Variants in PISD observed in about 807,000 individuals in gnomAD.
PISD encodes phosphatidylserine decarboxylase proenzyme, mitochondrial.
In PISD, 31 loss-of-function variants were observed where a neutral mutation model predicts 43.5. That is an observed-to-expected ratio of 0.71 (90% CI 0.54 to 0.96). The LOEUF is 0.96. PISD is among the 40% of genes least tolerant of loss of function. The probability of loss-of-function intolerance (pLI) is 0.00; values close to 1 mark genes in which losing one functional copy is unlikely to be tolerated. For synonymous variants in PISD, 259 were observed against 228.7 expected (o/e 1.13, Z -1.20); for missense variants, 523 against 548.4 (o/e 0.95, Z 0.46).
At position 31,630,064 on chromosome 22, in the gene PISD, G is replaced by A. The variant is rs1025943279; in HGVS notation, c.322-8179C>T. On this transcript the variant is annotated intron_variant, in intron 3 of 7. Coordinates refer to ENST00000439502, the MANE Select transcript of PISD (RefSeq NM_001326411.2). The surrounding 1 kb of genome is among the most constrained non-coding windows in gnomAD (Gnocchi z 4.4). Reference sequence around the variant, plus strand: ...GCCACCATGCAGCGGCGTGCGTCTAGTGGGGCGACAACCCTGCCTTCCCTG... The same window carrying A: ...GCCACCATGCAGCGGCGTGCGTCTAATGGGGCGACAACCCTGCCTTCCCTG... The A allele has an allele frequency of 3.3e-5, 5 of 152,272 alleles. No homozygotes were observed. In the East Asian group the frequency reaches 5.8e-4, roughly 18 times the overall value. The allele number at this position is 152,272 out of a possible 1,614,324, so 9.4% of individuals were successfully genotyped here.
intron 3 of PISD, among the ~76,000 whole-genome samples, chr22:31,628,540 C>T (rs2073028546): frequency 1.3e-5 from 2 of 152,170 alleles, no homozygotes; most frequent in South Asian, 4.1e-4. Flanking sequence ...ACTTTAATGT[C>T]ACTACATGGC....
At position 31,621,429 on chromosome 22, in the gene PISD, T is replaced by C; in HGVS notation, c.602A>G (p.Lys201Arg). ...DGRILNFGQV[K>R]NCEVEQVKGV... ...CTTTACCTGCTCCACCTCACAGTTC[T>C]TCACCTGCCCAAAGTTGAGGATCCT... Residue 201 changes from lysine (K) to arginine (R), a missense_variant, in exon 5 of 8, where the codon AAG becomes AGG. Transcript: ENST00000439502. 1 of 1,614,148 alleles carries C rather than the reference T, an allele frequency of 6.2e-7. No individual in the cohort carries two copies. Among genetic ancestry groups the C allele is most frequent in the South Asian group, 1.1e-5 (1 of 91,082 alleles).
Position 31,648,290 on chromosome 22 carries a change from C to CAGG in PISD, c.146-17_146-15dup, listed in dbSNP as rs775666214. The CAGG allele has an allele frequency of 6.3e-7, 1 of 1,591,960 alleles. No homozygotes were observed. Among genetic ancestry groups the CAGG allele is most frequent in the South Asian group, 1.1e-5 (1 of 88,178 alleles). On this transcript the variant is annotated splice_polypyrimidine_tract_variant and intron_variant, in intron 2 of 7. Coordinates refer to ENST00000439502, the MANE Select transcript of PISD (RefSeq NM_001326411.2). ...TTTTTCTGGCATCTGTAATAAAAAA[C>CAGG]AGGACAATTTCAAGCCTGAGAGACA...
chr22:31,646,947 T>C (rs746571144), intron 3 of PISD, among the ~76,000 whole-genome samples: 4 of 151,956 alleles, frequency 2.6e-5, no homozygotes, highest in Non-Finnish European at 5.9e-5. Context: ...CACATGGACA[T>C]ACAGGGCAAG....
intron 3 of PISD, chr22:31,625,602 A>T: frequency 1.2e-6 from 1 of 808,638 alleles, no homozygotes; most frequent in Non-Finnish European, 2.0e-6. Flanking sequence ...TCTCCGACTC[A>T]GGGTGCTCAG....
In PISD at chr22:31,630,630, G is replaced by A; in HGVS notation, c.322-8745C>T. On this transcript the variant is annotated intron_variant, in intron 3 of 7. Transcript: ENST00000439502. This position sits in a 1 kb window ranked among gnomAD's most constrained non-coding sequence, Gnocchi z 4.4. ...ACGACTCGCTCAACCTTGTCCGCGG[G>A]GCTCCTCAGGCCGGGGCCGCGTCGT... The A allele has an allele frequency of 1.4e-6, 1 of 712,752 alleles. No homozygotes were observed. Among genetic ancestry groups the A allele is most frequent in the South Asian group, 6.3e-5 (1 of 15,872 alleles). The allele number at this position is 712,752 out of a possible 1,614,324, so 44.2% of individuals were successfully genotyped here.
At position 31,630,699 on chromosome 22, in the gene PISD, C is replaced by G. The variant is rs2073165242; in HGVS notation, c.322-8814G>C. The G allele has an allele frequency of 1.0e-6, 1 of 983,674 alleles. No homozygotes were observed. Among genetic ancestry groups the G allele is most frequent in the Non-Finnish European group, 1.2e-6 (1 of 828,404 alleles). 60.9% of individuals were successfully genotyped at this position (983,674 alleles called of 1,614,324 possible). ...CCTGCGACCGAAGGCCCTAGAAGGG[C>G]ACCCCCACCCGGCACTGGCCCTCTG... On this transcript the variant is annotated intron_variant, in intron 3 of 7. Coordinates refer to ENST00000439502, the MANE Select transcript of PISD (RefSeq NM_001326411.2). This position sits in a 1 kb window ranked among gnomAD's most constrained non-coding sequence, Gnocchi z 4.4.
At chr22:31,644,001 T>C (rs558003900) in intron 3 of PISD, among the ~76,000 whole-genome samples, 9 of 151,792 alleles carry the variant, frequency 5.9e-5, no homozygotes, top group South Asian at 2.1e-4. Flanking sequence ...TGAGCCGAGA[T>C]TGCGCCACTG....
In PISD at chr22:31,623,989, G is replaced by A. The variant is rs557604718; in HGVS notation, c.322-2104C>T. On this transcript the variant is annotated intron_variant, in intron 3 of 7. Coordinates refer to ENST00000439502, the MANE Select transcript of PISD (RefSeq NM_001326411.2). ...GCTGCCTCTCCATGGGGGTGATGGAGCCCAGCAAGCACTGGCTGTGCCCCC... is the reference window on the plus strand; with the variant it reads ...GCTGCCTCTCCATGGGGGTGATGGAACCCAGCAAGCACTGGCTGTGCCCCC... 410 of 722,132 alleles carry A rather than the reference G, an allele frequency of 5.7e-4. 1 individual carries two copies. The South Asian group carries it at 7.0e-3, about 12-fold the overall frequency. The allele number at this position is 722,132 out of a possible 1,614,324, so 44.7% of individuals were successfully genotyped here.
chr22:31,618,940 C>A lies in PISD; in HGVS notation c.*672G>T. The A allele has an allele frequency of 6.1e-6, 1 of 164,230 alleles. No individual in the cohort carries two copies. The highest frequency in any genetic ancestry group is 1.7e-4 in the South Asian group (1 of 6,038). The allele number at this position is 164,230 out of a possible 1,614,324, so 10.2% of individuals were successfully genotyped here. The stretch of plus-strand genomic sequence containing the variant: ...ATTGGTCTTGCCTGCTGCAGAGGAC[C>A]TGGCCAGCTCCAGAAGGGTCACTCA... On this transcript the variant is annotated 3_prime_UTR_variant, in exon 8 of 8. Transcript: ENST00000439502.
At chr22:31,656,603 C>T (rs1481907149) in intron 1 of PISD, among the ~76,000 whole-genome samples, 2 of 148,450 alleles carry the variant, frequency 1.3e-5, no homozygotes, top group African/African-American at 2.5e-5. Flanking sequence ...GAGCCGAGAT[C>T]GCACACTGCA....
At chr22:31,643,301 T>C (rs963846305) in intron 3 of PISD, among the ~76,000 whole-genome samples, 2 of 152,164 alleles carry the variant, frequency 1.3e-5, no homozygotes, top group Non-Finnish European at 2.9e-5. Flanking sequence ...TCTACAAGCA[T>C]GCCAAGACCA....
intron 3 of PISD, among the ~76,000 whole-genome samples, chr22:31,640,612 G>A (rs1421153243): frequency 9.1e-6 from 1 of 110,284 alleles, no homozygotes; most frequent in Non-Finnish European, 1.7e-5. Context: ...ACGGAGTCTC[G>A]CTCTGTCAAC....
At chr22:31,626,502 C>T (rs1226862786) in intron 3 of PISD, among the ~76,000 whole-genome samples, 1 of 138,984 alleles carries the variant, frequency 7.2e-6, no homozygotes, top group Non-Finnish European at 1.6e-5. Context: ...TGCTCTGGCT[C>T]TCTCCTCACC....
At chr22:31,659,338 C>A (rs1601465040) in intron 1 of PISD, among the ~76,000 whole-genome samples, 2 of 152,166 alleles carry the variant, frequency 1.3e-5, no homozygotes, top group Admixed American at 6.6e-5. Flanking sequence ...AGGCCTATTT[C>A]AAATGTTTTT....
intron 3 of PISD, chr22:31,629,211 G>A: frequency 1.0e-6 from 1 of 985,392 alleles, no homozygotes; most frequent in South Asian, 4.7e-5. Context: ...GGTTGGGTTG[G>A]GGCCTGCAAG....
chr22:31,647,978 G>A, intron 3 of PISD, 123 bp downstream of exon 3: 2 of 838,594 alleles, frequency 2.4e-6, no homozygotes, highest in Non-Finnish European at 3.7e-6. Context: ...AAAACCTACT[G>A]GAGACATGAG....
At chr22:31,628,745 C>CT in intron 3 of PISD, 1 of 813,040 alleles carries the variant, frequency 1.2e-6, no homozygotes, top group Non-Finnish European at 1.5e-6. Context: ...TGGCCACCCC[C>CT]TTGAGGCTCA....
At chr22:31,627,174 G>A (rs1474036378) in intron 3 of PISD, among the ~76,000 whole-genome samples, 1 of 152,222 alleles carries the variant, frequency 6.6e-6, no homozygotes, top group South Asian at 2.1e-4. Flanking sequence ...AGACACAAGC[G>A]TGGATTTCTC....
Sources: gnomAD v4.1 joint callset for allele counts (sites outside exome capture counted in the v4.1 genomes callset) on GRCh38, gnomAD v4.1.1 for gene constraint, Gnocchi (gnomAD v3.1) non-coding constraint, MANE v1.5 for transcripts, NCBI Gene and HGNC (gene_info 2026-07-23, HGNC 2026-07-21) for gene names.